The following GRK4 variants were observed in gnomAD, a reference collection of about 807,000 sequenced individuals.
The protein encoded by GRK4 is G protein-coupled receptor kinase 4, also known as G protein-coupled receptor kinase 2-like.
In GRK4, 73 loss-of-function variants were observed where a neutral mutation model predicts 77.9. That is an observed-to-expected ratio of 0.94 (90% CI 0.78 to 1.14). The LOEUF is 1.14. Among genes scored for constraint, GRK4 ranks in the 50% most tolerant of loss-of-function variants. GRK4 has a pLI of 0.00. For missense variants in GRK4, 729 were observed against 700.2 expected (o/e 1.04, Z -0.46); for synonymous variants, 257 against 254.4 (o/e 1.01, Z -0.10).
intron 4 of GRK4, 115 bp from the exon 5 acceptor site, chr4:3,004,116 T>C (rs563192805): frequency 3.6e-5 from 29 of 794,810 alleles, no homozygotes; most frequent in Non-Finnish European, 5.9e-5. Flanking sequence ...GGTGGCACTT[T>C]GACTTTCATT....
At chr4:3,014,149 G>A (rs954378180) in intron 8 of GRK4, among the ~76,000 whole-genome samples, 10 of 152,146 alleles carry the variant, frequency 6.6e-5, no homozygotes, top group South Asian at 2.1e-4. Context: ...TTAGTTACCC[G>A]TGTTTCTTGG....
Position 3,019,646 on chromosome 4 carries a change from T to A in GRK4, c.747T>A (p.Ser249Arg). 1.2e-6 allele frequency: 2 copies of A among 1,610,340 alleles called. No individual in the cohort carries two copies. Among genetic ancestry groups the A allele is most frequent in the Non-Finnish European group, 1.7e-6 (2 of 1,177,682 alleles). Residue 249 changes from serine to arginine, a missense_variant, in exon 9 of 16, where the codon AGT becomes AGA. Coordinates refer to ENST00000398052, the MANE Select transcript of GRK4 (RefSeq NM_182982.3). The part of the protein sequence containing the change: ...LEKVQSRFVV[S>R]LAYAYETKDA... ...TATGATGTTGCTGTCTTTAGGTTAGTTTAGCCTACGCTTATGAAACCAAAG... is the reference window on the plus strand; with the variant it reads ...TATGATGTTGCTGTCTTTAGGTTAGATTAGCCTACGCTTATGAAACCAAAG...
intron 1 of GRK4, among the ~76,000 whole-genome samples, chr4:2,974,975 C>A (rs768841412): frequency 7.2e-5 from 11 of 152,188 alleles, no homozygotes; most frequent in Non-Finnish European, 1.6e-4. Flanking sequence ...CCATGCACAG[C>A]CTTCTTCCCT....
chr4:2,969,619 G>A (rs1474426137), intron 1 of GRK4, among the ~76,000 whole-genome samples: 1 of 151,306 alleles, frequency 6.6e-6, no homozygotes, highest in Admixed American at 6.6e-5. Flanking sequence ...CAGGTGATCC[G>A]CCCACCTCGG....
chr4:2,988,691 C>A, intron 2 of GRK4, 36 bp from the exon 3 acceptor site: 1 of 1,113,308 alleles, frequency 9.0e-7, no homozygotes, highest in Non-Finnish European at 1.4e-6. Context: ...TGTAATGATT[C>A]TATTTGTTTG....
At chr4:3,018,827 C>T (rs1014828189) in intron 8 of GRK4, among the ~76,000 whole-genome samples, 4 of 151,842 alleles carry the variant, frequency 2.6e-5, no homozygotes, top group African/African-American at 7.3e-5. Flanking sequence ...TGCAGTGAGC[C>T]GAGATGGTGC....
At chr4:3,036,788 G>A (rs1327400927) in intron 13 of GRK4, among the ~76,000 whole-genome samples, 1 of 152,196 alleles carries the variant, frequency 6.6e-6, no homozygotes, top group Admixed American at 6.5e-5. Context: ...GGACCTGCAG[G>A]AGGATGGGAA....
In GRK4 at chr4:2,979,761, C is replaced by A. The variant is rs188641724; in HGVS notation, c.53-4752C>A. 3.6e-3 allele frequency among the ~76,000 whole-genome samples: 543 copies of A among 152,232 alleles called. 2 individuals carry two copies. Among genetic ancestry groups the A allele is most frequent in the African/African-American group, 0.013 (525 of 41,540 alleles). The stretch of plus-strand genomic sequence containing the variant: ...ATGTGTGGTGGTGCATGCTTGTGGT[C>A]CCAGCTGCTGAGGAGGCTGAGGTAG... On this transcript the variant is annotated intron_variant, in intron 1 of 15. Coordinates refer to ENST00000398052, the MANE Select transcript of GRK4 (RefSeq NM_182982.3).
chr4:3,040,505 T>C lies in GRK4; in HGVS notation c.1684-67T>C, dbSNP rs1481178388. 7 of 1,334,362 alleles carry C rather than the reference T, an allele frequency of 5.2e-6. No homozygotes were observed. In the Admixed American group the frequency reaches 1.3e-4, roughly 25 times the overall value. 82.7% of individuals were successfully genotyped at this position (1,334,362 alleles called of 1,614,324 possible). A position where few individuals can be genotyped will look rare whatever the true frequency, so the allele number is the denominator to read the frequency against. On this transcript the variant is annotated intron_variant, in intron 15 of 15. Transcript: ENST00000398052. ...CCACCCAAAAGTTTGTAAATGGTTG[T>C]CTGCACTTAAGGAAAGTGAAACCTT...
At chr4:3,027,714 G>A (rs1190750328) in intron 10 of GRK4, among the ~76,000 whole-genome samples, 198 bp from the exon 11 acceptor site, 1 of 152,158 alleles carries the variant, frequency 6.6e-6, no homozygotes, top group Non-Finnish European at 1.5e-5. Flanking sequence ...GAATTTTCCT[G>A]CTGCTAGTGA....
chr4:3,024,429 C>T (rs1245904109), intron 10 of GRK4, among the ~76,000 whole-genome samples: 2 of 151,968 alleles, frequency 1.3e-5, no homozygotes, highest in African/African-American at 4.8e-5. Context: ...CATCCAGCAG[C>T]GATTAAGGAT....
chr4:3,035,392 A>G lies in GRK4; in HGVS notation c.1276A>G (p.Thr426Ala). Residue 426 changes from threonine (T) to alanine (A), a missense_variant, in exon 13 of 16, where the codon ACC becomes GCC. Physicochemically the swap from Thr to Ala is moderately conservative, Grantham distance 58 (BLOSUM62 0). Coordinates refer to ENST00000398052, the MANE Select transcript of GRK4 (RefSeq NM_182982.3). ...GCATTTCTGCCTCTTGCAGTTACTC[A>G]CCAAGAATCCAAGCAAGCGGCTGGG... ...DAKSICRMLLTKNPSKRLGCR... is the reference protein window; with the variant it reads ...DAKSICRMLLAKNPSKRLGCR... 1 of 1,613,930 alleles carries G rather than the reference A, an allele frequency of 6.2e-7. No homozygotes were observed. Among genetic ancestry groups the G allele is most frequent in the South Asian group, 1.1e-5 (1 of 91,064 alleles).
intron 5 of GRK4, among the ~76,000 whole-genome samples, chr4:3,006,151 G>C (rs1253945730): frequency 1.3e-5 from 2 of 151,656 alleles, no homozygotes; most frequent in Non-Finnish European, 2.9e-5. Flanking sequence ...AGGCCGACGT[G>C]GGTGGATCAC....
chr4:3,001,085 A>ATGTGTG (rs1729429561), intron 4 of GRK4, among the ~76,000 whole-genome samples: 1 of 83,768 alleles, frequency 1.2e-5, no homozygotes, highest in Admixed American at 1.0e-4. Context: ...ATATATATAT[A>ATGTGTG]TATATGTGTG....
chr4:2,996,469 C>T (rs1201620632), intron 4 of GRK4, among the ~76,000 whole-genome samples: 2 of 152,116 alleles, frequency 1.3e-5, no homozygotes, highest in African/African-American at 4.8e-5. Flanking sequence ...GCAGGAGAAT[C>T]GCTTGAATCC....
intron 13 of GRK4, 80 bp from the exon 14 acceptor site, chr4:3,037,294 G>A: frequency 7.3e-7 from 1 of 1,378,666 alleles, no homozygotes; most frequent in Non-Finnish European, 9.9e-7. Context: ...TCAGTTTGCT[G>A]GGCGTTTCAT....
chr4:2,980,879 C>G (rs939062725), intron 1 of GRK4, among the ~76,000 whole-genome samples: 1 of 152,266 alleles, frequency 6.6e-6, no homozygotes, highest in African/African-American at 2.4e-5. Context: ...TCTTTCACTA[C>G]TGGTCCAGAT....
intron 8 of GRK4, among the ~76,000 whole-genome samples, chr4:3,018,212 C>G (rs1460642945): frequency 6.6e-6 from 1 of 151,898 alleles, no homozygotes; most frequent in Non-Finnish European, 1.5e-5. Context: ...TGCCCGGCCA[C>G]AACTCATTAT....
At chr4:3,022,336 T>C (rs1339295902) in intron 9 of GRK4, 78 bp from the exon 10 acceptor site, 5 of 1,423,028 alleles carry the variant, frequency 3.5e-6, no homozygotes, top group Non-Finnish European at 4.9e-6. Flanking sequence ...TTGCTCACGC[T>C]GGTTGTTCCT....
Sources: gnomAD v4.1 joint callset for allele counts (sites outside exome capture counted in the v4.1 genomes callset) on GRCh38, gnomAD v4.1.1 for gene constraint, MANE v1.5 for transcripts, NCBI Gene and HGNC (gene_info 2026-07-23, HGNC 2026-07-21) for gene names.